Variants in PSG6 observed in about 807,000 individuals in gnomAD.
The protein encoded by PSG6 is pregnancy-specific beta-1-glycoprotein 6.
In PSG6, 51 loss-of-function variants were observed where a neutral mutation model predicts 43.3. That is an observed-to-expected ratio of 1.18 (90% CI 0.94 to 1.49). The LOEUF is 1.49. PSG6 is among the 40% of genes most tolerant of loss of function. PSG6 has a pLI of 0.00. For missense variants in PSG6, 770 were observed against 522.2 expected (o/e 1.47, Z -4.62); for synonymous variants, 292 against 197.6 (o/e 1.48, Z -4.01).
Position 42,910,817 on chromosome 19 carries a change from G to T in PSG6, c.469C>A (p.Pro157Thr), listed in dbSNP as rs748349221. Residue 157 changes from proline (P) to threonine (T), a missense_variant, in exon 3 of 6, where the codon CCC becomes ACC. Physicochemically the swap from Pro to Thr is conservative, Grantham distance 38. Coordinates refer to ENST00000187910, the MANE Select transcript of PSG6 (RefSeq NM_001031850.4). ...KPSISSSNLNPREVMEAVRLI... is the reference protein window; with the variant it reads ...KPSISSSNLNTREVMEAVRLI... ...CGCACAGCCTCCATGACCTCCCTGG[G>T]GTTTAAGTTGCTGCTGGAGATGGAG... 2 of 1,611,830 alleles carry T rather than the reference G, an allele frequency of 1.2e-6. No individual in the cohort carries two copies. Among genetic ancestry groups the T allele is most frequent in the African/African-American group, 1.3e-5 (1 of 74,712 alleles).
At chr19:42,916,990 G>A (rs1057494210) in intron 1 of PSG6, among the ~76,000 whole-genome samples, 1 of 151,422 alleles carries the variant, frequency 6.6e-6, no homozygotes, top group Non-Finnish European at 1.5e-5. Context: ...AGAGACTTTT[G>A]TCATGTTGGT....
intron 4 of PSG6, 24 bp downstream of exon 4, chr19:42,907,552 C>A (rs776087393): frequency 2.5e-6 from 4 of 1,610,662 alleles, no homozygotes; most frequent in Admixed American, 1.7e-5. Context: ...TGTCCTGGCC[C>A]ACAGAGGAAC....
intron 5 of PSG6, chr19:42,906,608 C>T (rs1384707905): frequency 5.2e-6 from 7 of 1,352,444 alleles, no homozygotes; most frequent in East Asian, 2.6e-5. Context: ...TTCGTGACAG[C>T]GAGAAGCAAC....
chr19:42,914,811 A>T (rs1260738356), intron 2 of PSG6, among the ~76,000 whole-genome samples: 1 of 151,500 alleles, frequency 6.6e-6, no homozygotes, highest in South Asian at 2.1e-4. Flanking sequence ...GCAGGGTGTG[A>T]GTGGGGAAAG....
Position 42,916,504 on chromosome 19 carries a change from G to A in PSG6, c.65-17C>T. Reference sequence around the variant, plus strand: ...AAAGTGATGCTAGGAGGTAGAGACAGCATCAGTTAATATTTGGACCTATGT... The same window carrying A: ...AAAGTGATGCTAGGAGGTAGAGACAACATCAGTTAATATTTGGACCTATGT... On this transcript the variant is annotated splice_polypyrimidine_tract_variant and intron_variant, in intron 1 of 5. Transcript: ENST00000187910. 3 of 1,601,872 alleles carry A rather than the reference G, an allele frequency of 1.9e-6. No individual in the cohort carries two copies. Among genetic ancestry groups the A allele is most frequent in the East Asian group, 2.2e-5 (1 of 44,728 alleles).
At chr19:42,907,264 A>C in intron 4 of PSG6, 88 bp from the exon 5 acceptor site, 1 of 1,537,664 alleles carries the variant, frequency 6.5e-7, no homozygotes, top group Non-Finnish European at 8.7e-7. Flanking sequence ...TGACCCTCTG[A>C]ACCAAGACAC....
rs376833356 is a variant in PSG6, at chr19:42,906,268, A to G, written c.1240+654T>C. On this transcript the variant is annotated intron_variant, in intron 5 of 5. Coordinates refer to ENST00000187910, the MANE Select transcript of PSG6 (RefSeq NM_001031850.4). ...GATGCAGCTCAGGAGTCAGCCCTGA[A>G]GCTCCCTCTCTTCTTATTTCCCTGC... is the stretch of plus-strand genomic sequence containing the variant. Among the ~76,000 whole-genome samples, 33 of 151,644 alleles carry G rather than the reference A, an allele frequency of 2.2e-4. 2 individuals carry two copies. The highest frequency in any genetic ancestry group is 1.1e-3 in the Admixed American group (16 of 15,190).
At position 42,916,265 on chromosome 19, in the gene PSG6, C is replaced by T. The variant is rs529836601; in HGVS notation, c.287G>A (p.Gly96Glu). 3 of 1,612,062 alleles carry T rather than the reference C, an allele frequency of 1.9e-6. No individual in the cohort carries two copies. Among genetic ancestry groups the T allele is most frequent in the Non-Finnish European group, 2.5e-6 (3 of 1,179,106 alleles). Residue 96 changes from glycine to glutamate, a missense_variant, in exon 2 of 6, where the codon GGA (glycine) becomes GAA (glutamate). Coordinates refer to ENST00000187910, the MANE Select transcript of PSG6 (RefSeq NM_001031850.4). ...GQIIYGPAYS[G>E]RETVYSNASL... The stretch of plus-strand genomic sequence containing the variant: ...TGCATTGGAATATACTGTTTCTCGT[C>T]CACTGTAGGCAGGCCCATATATAAT...
At chr19:42,913,073 A>G (rs1260122415) in intron 2 of PSG6, among the ~76,000 whole-genome samples, 1 of 151,458 alleles carries the variant, frequency 6.6e-6, no homozygotes, top group Non-Finnish European at 1.5e-5. Context: ...GGAAGTTTCT[A>G]TTGACACATT....
chr19:42,907,505 G>T, intron 4 of PSG6, 71 bp downstream of exon 4: 1 of 1,594,898 alleles, frequency 6.3e-7, no homozygotes, highest in Non-Finnish European at 8.5e-7. Context: ...GAGAGAGACT[G>T]AGAGGCCTGG....
At chr19:42,905,705 G>C (rs1485881790) in intron 5 of PSG6, among the ~76,000 whole-genome samples, 1 of 151,654 alleles carries the variant, frequency 6.6e-6, no homozygotes, top group Non-Finnish European at 1.5e-5. Context: ...AGGCAAATGA[G>C]ATGTATCTAT....
chr19:42,910,433 T>A (rs779115827), intron 3 of PSG6, 147 bp downstream of exon 3: 19 of 1,592,446 alleles, frequency 1.2e-5, no homozygotes, highest in Non-Finnish European at 1.6e-5. Flanking sequence ...CTACTCTGGT[T>A]TGCCTGGAGC....
chr19:42,910,424 T>G (rs891993704), intron 3 of PSG6, 156 bp downstream of exon 3: 22 of 1,574,750 alleles, frequency 1.4e-5, no homozygotes, highest in Non-Finnish European at 1.9e-5. Context: ...AGCCTAGGCC[T>G]ACTCTGGTTT....
At chr19:42,902,709 C>A (rs1339011245) in intron 5 of PSG6, among the ~76,000 whole-genome samples, 3 of 151,492 alleles carry the variant, frequency 2.0e-5, no homozygotes, top group African/African-American at 7.3e-5. Context: ...TTCTCCCATA[C>A]TACCTTCATG....
chr19:42,906,308 G>C (rs1972110538), intron 5 of PSG6, among the ~76,000 whole-genome samples: 1 of 151,584 alleles, frequency 6.6e-6, no homozygotes, highest in South Asian at 2.1e-4. Context: ...TGGCCCGGGG[G>C]AGGCTTGGCT....
At chr19:42,915,087 A>G (rs1972299807) in intron 2 of PSG6, among the ~76,000 whole-genome samples, 1 of 151,508 alleles carries the variant, frequency 6.6e-6, no homozygotes, top group Non-Finnish European at 1.5e-5. Flanking sequence ...GGAACCCAGT[A>G]AGCCCTCACT....
At chr19:42,910,487 G>T in intron 3 of PSG6, 93 bp downstream of exon 3, 2 of 1,611,912 alleles carry the variant, frequency 1.2e-6, no homozygotes, top group Non-Finnish European at 1.7e-6. Context: ...AAAGGTCTCT[G>T]TACTTGGACC....
chr19:42,915,943 A>C, intron 2 of PSG6, 182 bp downstream of exon 2: 2 of 989,074 alleles, frequency 2.0e-6, no homozygotes, highest in Non-Finnish European at 2.9e-6. Context: ...GATGCGGGAA[A>C]GGAATTCTGA....
intron 1 of PSG6, among the ~76,000 whole-genome samples, chr19:42,916,715 A>C (rs144947973): frequency 6.6e-6 from 1 of 150,824 alleles, no homozygotes. Flanking sequence ...CATTCCTTCA[A>C]CACTCCTGAC....
Sources: gnomAD v4.1 joint callset for allele counts (sites outside exome capture counted in the v4.1 genomes callset) on GRCh38, gnomAD v4.1.1 for gene constraint, MANE v1.5 for transcripts, NCBI Gene and HGNC (gene_info 2026-07-23, HGNC 2026-07-21) for gene names.